Variants in NUP98 observed in about 807,000 individuals in gnomAD.
NUP98 encodes nucleoporin 98 and 96 precursor, also known as nuclear pore complex protein Nup98-Nup96.
Under a neutral mutation model 191.9 loss-of-function variants are expected in NUP98, and 26 were observed. That is an observed-to-expected ratio of 0.14 (90% CI 0.10 to 0.19). The LOEUF is 0.19. NUP98 is among the 10% of genes least tolerant of loss of function. The pLI is 1.00. For missense variants in NUP98, 1,941 were observed against 2,178.8 expected, an observed-to-expected ratio of 0.89 and a Z score of 2.17; for synonymous variants, 808 against 778.4, an observed-to-expected ratio of 1.04 and a Z score of -0.63.
chr11:3,721,665 C>G (rs554215062), intron 16 of NUP98, among the ~76,000 whole-genome samples: 1 of 151,706 alleles, frequency 6.6e-6, no homozygotes, highest in South Asian at 2.1e-4. Flanking sequence ...CACCACTGCA[C>G]TCCAGCCTGG....
chr11:3,676,774 G>A (rs2077826329), intron 31 of NUP98, 154 bp from the exon 32 acceptor site: 2 of 761,020 alleles, frequency 2.6e-6, no homozygotes, highest in African/African-American at 3.4e-5. Flanking sequence ...CCATCTAGTG[G>A]AGGACAAGGC....
chr11:3,693,140 T>C (rs1406060157), intron 27 of NUP98, 92 bp downstream of exon 27: 4 of 1,280,394 alleles, frequency 3.1e-6, no homozygotes, highest in Non-Finnish European at 4.5e-6. Context: ...GAGTAAAGGA[T>C]AGTTTCCCAT....
intron 20 of NUP98, 174 bp downstream of exon 20, chr11:3,712,390 G>C (rs2079045975): frequency 7.1e-7 from 1 of 1,401,896 alleles, no homozygotes; most frequent in African/African-American, 1.5e-5. Flanking sequence ...CCAGTAAAAA[G>C]ACAGATGCCT....
At chr11:3,681,615 T>G (rs1173242598) in intron 30 of NUP98, among the ~76,000 whole-genome samples, 1 of 152,180 alleles carries the variant, frequency 6.6e-6, no homozygotes, top group Admixed American at 6.5e-5. Context: ...AAAGAAATTT[T>G]TTTTTTTTCT....
Position 3,683,268 on chromosome 11 carries a change from G to A in NUP98, c.4850C>T (p.Ala1617Val), listed in dbSNP as rs777342584. Residue 1617 changes from alanine (A) to valine (V), a missense_variant, in exon 30 of 33, where the codon GCC (alanine) becomes GTC (valine). Ala to Val is a moderately conservative substitution (Grantham distance 64). Transcript: ENST00000324932. The part of the protein sequence containing the change: ...AHMESDKHLE[A>V]LCLFKAEHWN... ...GTGCTCAGCCTTAAATAAGCAAAGG[G>A]CCTCTAAGTGCTTGTCAGATTCCAT... The A allele has an allele frequency of 6.2e-7, 1 of 1,614,096 alleles. No individual in the cohort carries two copies. The highest frequency in any genetic ancestry group is 1.7e-5 in the Admixed American group (1 of 60,008).
intron 1 of NUP98, among the ~76,000 whole-genome samples, chr11:3,785,723 C>A (rs533191303): frequency 6.6e-6 from 1 of 152,208 alleles, no homozygotes; most frequent in South Asian, 2.1e-4. Flanking sequence ...CGTGCCACTG[C>A]ACTCCAGTCT....
intron 8 of NUP98, among the ~76,000 whole-genome samples, chr11:3,763,410 ATAGTAT>A (rs1356321801): frequency 6.6e-6 from 1 of 152,208 alleles, no homozygotes; most frequent in Non-Finnish European, 1.5e-5. Flanking sequence ...GAGAAGCAAA[ATAGTAT>A]GTCTAGGTCC....
chr11:3,719,757 TC>T (rs2079322323), intron 17 of NUP98, among the ~76,000 whole-genome samples: 1 of 148,746 alleles, frequency 6.7e-6, no homozygotes, highest in South Asian at 2.1e-4. Context: ...TCTGCATTTT[TC>T]TTTTCTTTTC....
At chr11:3,757,811 A>C (rs1223659895) in intron 10 of NUP98, among the ~76,000 whole-genome samples, 1 of 152,086 alleles carries the variant, frequency 6.6e-6, no homozygotes, top group African/African-American at 2.4e-5. Context: ...AAAAGAAAGA[A>C]AAGAAATAAT....
rs548828031 is a variant in NUP98 at position 3,741,522 on chromosome 11, G to A, written c.1408+2987C>T. 3.9e-5 allele frequency among the ~76,000 whole-genome samples: 6 copies of A among 152,168 alleles called. No individual in the cohort carries two copies. In the South Asian group the frequency reaches 1.2e-3, roughly 32 times the overall value. ...TGTAATCCCAGCTATTTATGAGACT[G>A]AGGAAGGAGAATCGCTTCAATCCAG... On this transcript the variant is annotated intron_variant, in intron 12 of 32. Transcript: ENST00000324932.
intron 11 of NUP98, among the ~76,000 whole-genome samples, chr11:3,751,123 C>T (rs2080733531): frequency 6.6e-6 from 1 of 152,064 alleles, no homozygotes; most frequent in Non-Finnish European, 1.5e-5. Context: ...CTTTGGGAGG[C>T]CGAGGCGGGC....
chr11:3,696,244 G>C (rs1205132588), intron 25 of NUP98, among the ~76,000 whole-genome samples: 2 of 152,108 alleles, frequency 1.3e-5, no homozygotes, highest in African/African-American at 4.8e-5. Context: ...GCTCACACCT[G>C]TAATCCCAGT....
intron 4 of NUP98, 150 bp downstream of exon 4, chr11:3,778,723 T>G: frequency 1.4e-6 from 1 of 712,696 alleles, no homozygotes; most frequent in South Asian, 1.8e-5. Context: ...TATTAACCTT[T>G]TCAGTACATA....
intron 11 of NUP98, among the ~76,000 whole-genome samples, chr11:3,746,294 A>AAAAAAAAAAAAAAAAAAAAG (rs144936005): frequency 1.1e-5 from 1 of 93,102 alleles, no homozygotes; most frequent in African/African-American, 5.0e-5. Flanking sequence ...AAAAAAAAAA[A>AAAAAAAAAAAAAAAAAAAAG]GACAGCTTTG....
rs2077783252 is a variant in NUP98 at position 3,675,594 on chromosome 11, C to T, written c.*565G>A. On this transcript the variant is annotated 3_prime_UTR_variant, in exon 33 of 33. Transcript: ENST00000324932. ...ATCCCTCCGTGACAGGCATTCACTTCTGCCCTAAGTGTGTCAGAAAGATCC... is the reference window on the plus strand; with the variant it reads ...ATCCCTCCGTGACAGGCATTCACTTTTGCCCTAAGTGTGTCAGAAAGATCC... 1 of 238,622 alleles carries T rather than the reference C, an allele frequency of 4.2e-6. No individual in the cohort carries two copies. Among genetic ancestry groups the T allele is most frequent in the Non-Finnish European group, 8.3e-6 (1 of 120,252 alleles). The allele number at this position is 238,622 out of a possible 1,614,324, so 14.8% of individuals were successfully genotyped here. A position where few individuals can be genotyped will look rare whatever the true frequency, so the allele number is the denominator to read the frequency against.
chr11:3,676,436 CT>C, intron 32 of NUP98, 60 bp from the exon 33 acceptor site: 1 of 1,604,380 alleles, frequency 6.2e-7, no homozygotes, highest in Non-Finnish European at 8.5e-7. Context: ...GTGGTAGGCA[CT>C]GAGGGTGGGG....
intron 27 of NUP98, 71 bp from the exon 28 acceptor site, chr11:3,691,560 C>CT (rs878875136): frequency 0.044 from 49,144 of 1,107,626 alleles, 1 homozygote; most frequent in Non-Finnish European, 0.047. Context: ...TATGTTTCTT[C>CT]TTTTTTTTTT....
chr11:3,773,916 G>A (rs2081614773), intron 5 of NUP98, among the ~76,000 whole-genome samples, 177 bp from the exon 6 acceptor site: 1 of 152,108 alleles, frequency 6.6e-6, no homozygotes, highest in African/African-American at 2.4e-5. Context: ...CTACATCAAG[G>A]TTATCTGAAT....
intron 1 of NUP98, among the ~76,000 whole-genome samples, chr11:3,791,101 T>C (rs1392329590): frequency 6.6e-6 from 1 of 151,996 alleles, no homozygotes; most frequent in Non-Finnish European, 1.5e-5. Context: ...TTCACCGTGT[T>C]AGCCAGGATG....
Sources: allele counts gnomAD v4.1 joint callset (sites outside exome capture counted in the v4.1 genomes callset), GRCh38; gene constraint gnomAD v4.1.1; transcripts MANE v1.5; gene names NCBI Gene and HGNC (gene_info 2026-07-23, HGNC 2026-07-21).